Variants in LRRIQ3 observed in about 807,000 individuals in gnomAD.
LRRIQ3 encodes leucine-rich repeat and IQ domain-containing protein 3.
LRRIQ3 carries 75 observed loss-of-function variants against 59.3 expected under a neutral mutation model. The observed-to-expected ratio is 1.26, with a 90% CI of 1.05 to 1.53. LRRIQ3 has a LOEUF of 1.53. LRRIQ3 is among the 40% of genes most tolerant of loss of function. The pLI is 0.00. For missense variants in LRRIQ3, 831 were observed against 710.0 expected (o/e 1.17, Z -1.94); for synonymous variants, 250 against 231.3 (o/e 1.08, Z -0.73).
intron 3 of LRRIQ3, among the ~76,000 whole-genome samples, chr1:74,167,451 A>G (rs1649058015): frequency 6.6e-6 from 1 of 151,882 alleles, no homozygotes; most frequent in Admixed American, 6.6e-5. Context: ...GGTGCAGCAA[A>G]CCACCGTGAC....
Position 74,041,270 on chromosome 1 carries a change from T to C in LRRIQ3, c.1661A>G (p.Gln554Arg). The change falls in exon 7 of 8, where the codon CAA becomes CGA. Residue 554 changes from glutamine (Q) to arginine (R), a missense_variant. Coordinates refer to ENST00000354431, the MANE Select transcript of LRRIQ3 (RefSeq NM_001105659.2). ...TCTATATTTTTCTGCTTTTAGTTTTTGCTTAACAATCAGGCTTTTCTCTTT... is the reference window on the plus strand; with the variant it reads ...TCTATATTTTTCTGCTTTTAGTTTTCGCTTAACAATCAGGCTTTTCTCTTT... ...VLKEKSLIVK[Q>R]KLKAEKYRKN... The C allele has an allele frequency of 2.5e-6, 4 of 1,597,168 alleles. No individual in the cohort carries two copies. The highest frequency in any genetic ancestry group is 3.4e-6 in the Non-Finnish European group (4 of 1,175,854).
chr1:74,109,478 G>C lies in LRRIQ3; in HGVS notation c.783C>G (p.Thr261=). The change falls in exon 5 of 8, where the codon ACC becomes ACG. Residue 261 remains threonine, a synonymous_variant. Transcript: ENST00000354431. The part of the protein sequence containing the change: ...RGYEAKWIYI[T]KGYEDKLLKD... The stretch of plus-strand genomic sequence containing the variant: ...TAAGGAGCTTATCTTCATACCCTTT[G>C]GTTATGTAAATCCATTTTGCTTCAT... 6.4e-7 allele frequency: 1 copy of C among 1,570,220 alleles called. No homozygotes were observed. Among genetic ancestry groups the C allele is most frequent in the Non-Finnish European group, 8.6e-7 (1 of 1,161,508 alleles).
chr1:74,106,023 T>C (rs550111503), intron 5 of LRRIQ3, among the ~76,000 whole-genome samples: 3 of 152,078 alleles, frequency 2.0e-5, no homozygotes, highest in South Asian at 4.2e-4. Flanking sequence ...AGGTTGTATA[T>C]GGTTACCCTA....
intron 3 of LRRIQ3, chr1:74,180,784 G>A (rs1336457534): frequency 2.6e-6 from 4 of 1,549,664 alleles, no homozygotes; most frequent in East Asian, 4.9e-5. Context: ...TGTAAAATAA[G>A]ACTAACATTT....
intron 4 of LRRIQ3, among the ~76,000 whole-genome samples, chr1:74,109,988 ATACTC>A (rs1646672143): frequency 6.6e-6 from 1 of 151,834 alleles, no homozygotes; most frequent in Admixed American, 6.6e-5. Flanking sequence ...ACTAGGAAAT[ATACTC>A]TAGAGCAGTA....
chr1:74,190,928 T>C (rs1570287258), intron 1 of LRRIQ3, among the ~76,000 whole-genome samples: 1 of 152,138 alleles, frequency 6.6e-6, no homozygotes, highest in African/African-American at 2.4e-5. Flanking sequence ...GAAACCCCTT[T>C]CACTTGGTTC....
chr1:74,134,270 G>T (rs1647080774), intron 4 of LRRIQ3, among the ~76,000 whole-genome samples: 1 of 151,976 alleles, frequency 6.6e-6, no homozygotes, highest in Non-Finnish European at 1.5e-5. Flanking sequence ...TTGATGAAAT[G>T]ATAATAAATA....
At chr1:74,109,118 GTTA>G (rs1646653236) in intron 5 of LRRIQ3, 2 of 198,454 alleles carry the variant, frequency 1.0e-5, no homozygotes, top group Admixed American at 6.0e-5. Flanking sequence ...TGGTTTTTAC[GTTA>G]TTATTACTAC....
intron 5 of LRRIQ3, among the ~76,000 whole-genome samples, chr1:74,080,780 G>T (rs1034921656): frequency 6.6e-6 from 1 of 151,574 alleles, no homozygotes; most frequent in Non-Finnish European, 1.5e-5. Flanking sequence ...GTGTCTGGCA[G>T]CACAGCCTCT....
At chr1:74,087,381 C>CTTTTTTTTT (rs57068994) in intron 5 of LRRIQ3, among the ~76,000 whole-genome samples, 16 of 59,006 alleles carry the variant, frequency 2.7e-4, no homozygotes, top group African/African-American at 1.2e-3. Context: ...AAAATTTTAT[C>CTTTTTTTTT]TTTTTTTTTT....
intron 7 of LRRIQ3, among the ~76,000 whole-genome samples, chr1:74,038,264 G>A (rs1415323675): frequency 6.6e-6 from 1 of 152,148 alleles, no homozygotes; most frequent in Non-Finnish European, 1.5e-5. Context: ...TCTCCCTGCA[G>A]GAACTCCAAC....
In LRRIQ3 at chr1:74,041,205, GTACC is replaced by G; in HGVS notation, c.1718+4_1718+7del. 1 of 1,546,148 alleles carries G rather than the reference GTACC, an allele frequency of 6.5e-7. No individual in the cohort carries two copies. Among genetic ancestry groups the G allele is most frequent in the East Asian group, 2.3e-5 (1 of 44,366 alleles). ...TTAATGCCTCTGTTATATCTAAATTGTACCTACCTAACTTTTTTCATTTCTTTAA... is the reference window on the plus strand; with the variant it reads ...TTAATGCCTCTGTTATATCTAAATTGTACCTAACTTTTTTCATTTCTTTAA... On this transcript the variant is annotated splice_donor_5th_base_variant and intron_variant, in intron 7 of 7. Transcript: ENST00000354431.
chr1:74,054,364 G>T (rs1295975592), intron 6 of LRRIQ3, among the ~76,000 whole-genome samples: 1 of 152,178 alleles, frequency 6.6e-6, no homozygotes, highest in Non-Finnish European at 1.5e-5. Flanking sequence ...ATCAGTGGTA[G>T]CCAGGGATAA....
chr1:74,092,445 G>T (rs1262889126), intron 5 of LRRIQ3, among the ~76,000 whole-genome samples: 3 of 152,156 alleles, frequency 2.0e-5, no homozygotes, highest in African/African-American at 7.2e-5. Context: ...ACAGGAGATT[G>T]GGTGACCAGT....
intron 7 of LRRIQ3, among the ~76,000 whole-genome samples, chr1:74,033,299 T>C (rs1653774266): frequency 6.6e-6 from 1 of 151,920 alleles, no homozygotes; most frequent in South Asian, 2.1e-4. Flanking sequence ...GGCAATGAAA[T>C]GAAAGAACTT....
intron 4 of LRRIQ3, among the ~76,000 whole-genome samples, chr1:74,153,929 A>G (rs893643230): frequency 6.6e-6 from 1 of 152,100 alleles, no homozygotes; most frequent in Non-Finnish European, 1.5e-5. Context: ...AGCACTAAAT[A>G]TAACAACAAC....
At chr1:74,121,853 G>A (rs543384852) in intron 4 of LRRIQ3, among the ~76,000 whole-genome samples, 11 of 150,872 alleles carry the variant, frequency 7.3e-5, no homozygotes, top group Admixed American at 1.3e-4. Flanking sequence ...TTGTCCTTGC[G>A]ACAGTTTGCT....
intron 7 of LRRIQ3, among the ~76,000 whole-genome samples, chr1:74,036,143 A>C (rs964173062): frequency 2.0e-5 from 3 of 151,956 alleles, no homozygotes; most frequent in African/African-American, 7.2e-5. Flanking sequence ...GTAGCAAAAA[A>C]TGCTGCCCCC....
chr1:74,085,645 A>G (rs796918450), intron 5 of LRRIQ3, among the ~76,000 whole-genome samples: 8 of 152,020 alleles, frequency 5.3e-5, no homozygotes, highest in African/African-American at 1.9e-4. Context: ...AAATTGAAGT[A>G]GTTACCAGGA....
Sources: allele counts gnomAD v4.1 joint callset (sites outside exome capture counted in the v4.1 genomes callset), GRCh38; gene constraint gnomAD v4.1.1; transcripts MANE v1.5; gene names NCBI Gene and HGNC (gene_info 2026-07-23, HGNC 2026-07-21).